The following TNK2 variants were observed in gnomAD, a reference collection of about 807,000 sequenced individuals.
The protein encoded by TNK2 is activated CDC42 kinase 1.
In TNK2, 83 loss-of-function variants were observed where a neutral mutation model predicts 101.8. That is an observed-to-expected ratio of 0.82 (90% CI 0.68 to 0.98). The LOEUF is 0.98. Among genes scored for constraint, TNK2 ranks in the 50% least tolerant of loss-of-function variants. The probability of loss-of-function intolerance (pLI) is 0.00; values close to 1 mark genes in which losing one functional copy is unlikely to be tolerated. For missense variants in TNK2, 1,665 were observed against 1,483.2 expected (o/e 1.12, Z -2.01); for synonymous variants, 804 against 633.0 (o/e 1.27, Z -4.06).
At position 195,882,226 on chromosome 3, in the gene TNK2, C is replaced by T. The variant is rs748682309; in HGVS notation, c.712G>A (p.Glu238Lys). Residue 238 changes from glutamate to lysine, a missense_variant, in exon 6 of 16, where the codon GAG (glutamate) becomes AAG (lysine). Glu to Lys is a moderately conservative substitution (Grantham distance 56, BLOSUM62 1). This residue lies in a region of TNK2 where 490 missense variants were observed against 522.5 expected (regional missense o/e 0.94). Coordinates refer to ENST00000672887, the MANE Select transcript of TNK2 (RefSeq NM_001382273.1). This position sits in a 1 kb window ranked among gnomAD's most constrained non-coding sequence, Gnocchi z 4.2. ...TTGGACTCCAGGTAGCCCATGCCCTCAGCCACCTGCACAGCGTAGCGGCTC... is the reference window on the plus strand; with the variant it reads ...TTGGACTCCAGGTAGCCCATGCCCTTAGCCACCTGCACAGCGTAGCGGCTC... ...TLSRYAVQVA[E>K]GMGYLESKRF... 3.1e-6 allele frequency: 5 copies of T among 1,613,750 alleles called. No individual in the cohort carries two copies. Among genetic ancestry groups the T allele is most frequent in the Non-Finnish European group, 4.2e-6 (5 of 1,180,038 alleles).
chr3:195,868,221 G>T lies in TNK2; in HGVS notation c.2077C>A (p.Arg693=), dbSNP rs748815812. The T allele has an allele frequency of 2.5e-6, 4 of 1,606,600 alleles. No individual in the cohort carries two copies. In the East Asian group the frequency reaches 6.7e-5, roughly 27 times the overall value. Residue 693 remains arginine, a synonymous_variant, in exon 13 of 16, where the codon CGG becomes AGG. Transcript: ENST00000672887. ...TTGTCCTCCAGGGGAGGGGGCGGCC[G>T]CGCCTGCTCAGGCACAAAGGCGTAG... ...TNYAFVPEQA[R]PPPPLEDNLF...
Position 195,885,612 on chromosome 3 carries a change from T to C in TNK2, c.235-579A>G. 7.8e-7 allele frequency: 1 copy of C among 1,287,358 alleles called. No individual in the cohort carries two copies. Among genetic ancestry groups the C allele is most frequent in the Non-Finnish European group, 1.0e-6 (1 of 986,624 alleles). The allele number at this position is 1,287,358 out of a possible 1,614,324, so 79.7% of individuals were successfully genotyped here. A position where few individuals can be genotyped will look rare whatever the true frequency, so the allele number is the denominator to read the frequency against. ...AGTGTGTGTGTGGTTCAGATGAAGCTAGTCCTTGCTGGGAAGGGGCCTGGG... is the reference window on the plus strand; with the variant it reads ...AGTGTGTGTGTGGTTCAGATGAAGCCAGTCCTTGCTGGGAAGGGGCCTGGG... On this transcript the variant is annotated intron_variant, in intron 3 of 15. Coordinates refer to ENST00000672887, the MANE Select transcript of TNK2 (RefSeq NM_001382273.1). The surrounding 1 kb of genome is among the most constrained non-coding windows in gnomAD (Gnocchi z 4.7).
At chr3:195,889,029 G>C (rs1210029427) in intron 1 of TNK2, among the ~76,000 whole-genome samples, 1 of 152,100 alleles carries the variant, frequency 6.6e-6, no homozygotes, top group East Asian at 1.9e-4. Context: ...GGTGCAATGT[G>C]CCCCGAGACC....
At position 195,878,683 on chromosome 3, in the gene TNK2, G is replaced by A. The variant is rs956523453; in HGVS notation, c.1015-91C>T. 7.0e-5 allele frequency: 106 copies of A among 1,507,064 alleles called. No homozygotes were observed. Among genetic ancestry groups the A allele is most frequent in the South Asian group, 3.7e-4 (30 of 80,226 alleles). The allele number at this position is 1,507,064 out of a possible 1,614,324, so 93.4% of individuals were successfully genotyped here. On this transcript the variant is annotated intron_variant, in intron 7 of 15. Coordinates refer to ENST00000672887, the MANE Select transcript of TNK2 (RefSeq NM_001382273.1). The surrounding 1 kb of genome is among the most constrained non-coding windows in gnomAD (Gnocchi z 4.7). The stretch of plus-strand genomic sequence containing the variant: ...CCTCCAGCCCATCCACAGCTGCAGC[G>A]GCTGCTGCCATGCCTGGCCTCCAAA...
chr3:195,886,990 G>T lies in TNK2; in HGVS notation c.221C>A (p.Ser74Ter), dbSNP rs745624130. The change falls in exon 3 of 16, where the codon TCG (serine) becomes TAG (stop). Residue 74 changes from serine to a stop codon, truncating the protein, a stop_gained. Transcript: ENST00000672887. LOFTEE classifies it high-confidence loss of function. The surrounding 1 kb of genome is among the most constrained non-coding windows in gnomAD (Gnocchi z 4.2). ...KRRKALCKRK[S>*]WMSKVFSGKR... ...CTCCTCACCCACCTTACTCATCCAC[G>T]ACTTGCGTTTGCACAAGGCCTTCCT... is the stretch of plus-strand genomic sequence containing the variant. 2 of 1,510,190 alleles carry T rather than the reference G, an allele frequency of 1.3e-6. No homozygotes were observed. The highest frequency in any genetic ancestry group is 1.8e-6 in the Non-Finnish European group (2 of 1,116,292). 93.5% of individuals were successfully genotyped at this position (1,510,190 alleles called of 1,614,324 possible).
At chr3:195,879,018 GC>G (rs869198276) in intron 7 of TNK2, 30 bp downstream of exon 7, 1 of 1,610,014 alleles carries the variant, frequency 6.2e-7, no homozygotes, top group Non-Finnish European at 8.5e-7. Context: ...CACCCCACCA[GC>G]CCTATGGGGG....
intron 1 of TNK2, among the ~76,000 whole-genome samples, chr3:195,891,532 A>T (rs1197926019): frequency 6.6e-6 from 1 of 152,250 alleles, no homozygotes; most frequent in Non-Finnish European, 1.5e-5. Context: ...CGTGGGGTTT[A>T]AGAGGACCAG....
In TNK2 at chr3:195,868,623, G is replaced by A. The variant is rs1007104079; in HGVS notation, c.1675C>T (p.Arg559Ter). 3.8e-6 allele frequency: 6 copies of A among 1,590,838 alleles called. No individual in the cohort carries two copies. Among genetic ancestry groups the A allele is most frequent in the Non-Finnish European group, 5.1e-6 (6 of 1,176,636 alleles). ...GAGGGCTTCGCCAGCCACAGCCCTCGGGGCAGGCCTGGCTTCCGCAGGCCC... is the reference window on the plus strand; with the variant it reads ...GAGGGCTTCGCCAGCCACAGCCCTCAGGGCAGGCCTGGCTTCCGCAGGCCC... ...RLGLRKPGLP[R>*]GLWLAKPSAR... Residue 559 changes from arginine to a stop codon, truncating the protein, a stop_gained, in exon 13 of 16, where the codon CGA becomes TGA. Transcript: ENST00000672887. LOFTEE classifies it high-confidence loss of function.
At chr3:195,874,154 C>A (rs906299523) in intron 9 of TNK2, among the ~76,000 whole-genome samples, 1 of 152,206 alleles carries the variant, frequency 6.6e-6, no homozygotes, top group Non-Finnish European at 1.5e-5. Flanking sequence ...GGGCCAGACG[C>A]CGGACTCTGC....
intron 15 of TNK2, 84 bp downstream of exon 15, chr3:195,866,805 G>A: frequency 1.3e-6 from 2 of 1,532,874 alleles, no homozygotes; most frequent in Non-Finnish European, 8.8e-7. Flanking sequence ...CGGCCTGCGA[G>A]GTGTTGGGCT....
intron 1 of TNK2, among the ~76,000 whole-genome samples, chr3:195,905,090 T>C (rs1311442051): frequency 6.6e-6 from 1 of 152,352 alleles, no homozygotes; most frequent in East Asian, 1.9e-4. Context: ...AGACTTACTA[T>C]AGTTTATAAA....
chr3:195,869,577 C>A (rs538362913), intron 11 of TNK2, 36 bp from the exon 12 acceptor site: 1 of 1,549,072 alleles, frequency 6.5e-7, no homozygotes, highest in Non-Finnish European at 8.7e-7. Context: ...GGGAGAGAGA[C>A]GGAGCAGGAC....
chr3:195,870,412 C>A (rs767163687), intron 10 of TNK2: 2 of 1,430,692 alleles, frequency 1.4e-6, no homozygotes, highest in East Asian at 3.4e-5. Context: ...CACCTGACCC[C>A]AGGATGGAAA....
In TNK2 at chr3:195,877,073, C is replaced by G. The variant is rs147134893; in HGVS notation, c.1256+1180G>C. 1.6e-3 allele frequency among the ~76,000 whole-genome samples: 246 copies of G among 152,168 alleles called. 2 individuals carry two copies. The highest frequency in any genetic ancestry group is 5.3e-3 in the African/African-American group (220 of 41,524). ...GCCCTGCCAGGTACTTCCAGGGGAC[C>G]CCCCCACCCTTAATCTTCCTATTTC... On this transcript the variant is annotated intron_variant, in intron 9 of 15. Coordinates refer to ENST00000672887, the MANE Select transcript of TNK2 (RefSeq NM_001382273.1).
chr3:195,876,704 A>T (rs1289706230), intron 9 of TNK2: 1 of 451,066 alleles, frequency 2.2e-6, no homozygotes, highest in Admixed American at 2.4e-5. Flanking sequence ...CCCCACCAGC[A>T]GCAGCCACAG....
Position 195,871,772 on chromosome 3 carries a change from TA to T in TNK2, c.1451+503del, listed in dbSNP as rs1448731941. Among the ~76,000 whole-genome samples the T allele has an allele frequency of 3.9e-5, 6 of 152,336 alleles. No homozygotes were observed. The East Asian group carries it at 1.2e-3, about 29-fold the overall frequency. On this transcript the variant is annotated intron_variant, in intron 10 of 15. Transcript: ENST00000672887. Reference sequence around the variant, plus strand: ...ACCCCTGCATCTGAGCAGCAAGTGCTAATTCAGAGTGCATTTACAGCCTTCC... The same window carrying T: ...ACCCCTGCATCTGAGCAGCAAGTGCTATTCAGAGTGCATTTACAGCCTTCC...
At chr3:195,892,568 G>A (rs1759009652) in intron 1 of TNK2, 22 of 1,493,890 alleles carry the variant, frequency 1.5e-5, no homozygotes, top group Non-Finnish European at 1.9e-5. Flanking sequence ...CTGCCCAGGA[G>A]CCCCCCAAAT....
intron 9 of TNK2, chr3:195,872,724 A>T: frequency 2.0e-6 from 1 of 490,168 alleles, no homozygotes; most frequent in East Asian, 3.6e-5. Context: ...GCAAATAAGG[A>T]GGCACGCTGG....
chr3:195,869,385 A>AC, intron 12 of TNK2, 112 bp downstream of exon 12: 3 of 892,994 alleles, frequency 3.4e-6, no homozygotes, highest in Non-Finnish European at 3.5e-6. Context: ...CACAGCACAC[A>AC]CCCACCCACC....
Sources: gnomAD v4.1 joint callset for allele counts (sites outside exome capture counted in the v4.1 genomes callset) on GRCh38, gnomAD v4.1.1 for gene constraint, gnomAD v4.1.1 regional missense constraint, Gnocchi (gnomAD v3.1) non-coding constraint, MANE v1.5 for transcripts, NCBI Gene and HGNC (gene_info 2026-07-23, HGNC 2026-07-21) for gene names.